The following NOX3 variants were observed in gnomAD, a reference collection of about 807,000 sequenced individuals.
The protein encoded by NOX3 is NADPH oxidase 3.
Under a neutral mutation model 76.7 loss-of-function variants are expected in NOX3, and 74 were observed. The observed-to-expected ratio is 0.96, with a 90% CI of 0.80 to 1.17. NOX3 has a LOEUF of 1.17. Ranked by LOEUF, NOX3 falls within the 50% of genes most tolerant of loss-of-function variation. NOX3 has a pLI of 0.00. For missense variants in NOX3, 695 were observed against 703.3 expected (o/e 0.99, Z 0.13); for synonymous variants, 263 against 261.1 (o/e 1.01, Z -0.07).
At position 155,440,157 on chromosome 6, in the gene NOX3, C is replaced by CA; in HGVS notation, c.487-21dup. On this transcript the variant is annotated intron_variant, in intron 5 of 13. Transcript: ENST00000159060. ...TGTGTTCTAAAAAAAACAACAACAA[C>CA]AAAAAAAGAAACAAACAAAAAAAAA... The CA allele has an allele frequency of 5.4e-6, 8 of 1,482,424 alleles. No individual in the cohort carries two copies. The highest frequency in any genetic ancestry group is 2.4e-5 in the Admixed American group (1 of 41,712). 91.8% of individuals were successfully genotyped at this position (1,482,424 alleles called of 1,614,324 possible).
chr6:155,439,630 A>G (rs1057510959), intron 6 of NOX3, among the ~76,000 whole-genome samples: 1 of 152,156 alleles, frequency 6.6e-6, no homozygotes, highest in African/African-American at 2.4e-5. Context: ...ATCCTGAGTA[A>G]TCTCACATAA....
chr6:155,445,962 T>G (rs35556917), intron 4 of NOX3, among the ~76,000 whole-genome samples: 15,260 of 117,188 alleles, frequency 0.13, 867 homozygotes, highest in Admixed American at 0.2. Flanking sequence ...ATATGCTATA[T>G]ATATATAATA....
intron 5 of NOX3, among the ~76,000 whole-genome samples, chr6:155,440,727 G>T (rs892225464): frequency 6.6e-6 from 1 of 151,174 alleles, no homozygotes; most frequent in African/African-American, 2.4e-5. Context: ...TTGAAATTAG[G>T]GCAGCATGAA....
intron 9 of NOX3, among the ~76,000 whole-genome samples, chr6:155,423,111 A>G (rs1776712265): frequency 6.6e-6 from 1 of 152,166 alleles, no homozygotes; most frequent in Non-Finnish European, 1.5e-5. Flanking sequence ...ATCTCTCGCT[A>G]TAGCTCAGGC....
chr6:155,441,437 A>G (rs1226689544), intron 5 of NOX3, among the ~76,000 whole-genome samples: 2 of 152,220 alleles, frequency 1.3e-5, no homozygotes, highest in Non-Finnish European at 2.9e-5. Context: ...CTAATTTCAC[A>G]TCATTCTTCC....
chr6:155,431,112 T>G (rs1776826922), intron 7 of NOX3, among the ~76,000 whole-genome samples, 177 bp from the exon 8 acceptor site: 1 of 152,246 alleles, frequency 6.6e-6, no homozygotes, highest in Non-Finnish European at 1.5e-5. Context: ...CATTCAATTA[T>G]TTATTGAAGT....
intron 7 of NOX3, among the ~76,000 whole-genome samples, chr6:155,431,800 A>G (rs1236473961): frequency 1.1e-4 from 17 of 152,216 alleles, no homozygotes; most frequent in Non-Finnish European, 7.3e-5. Flanking sequence ...CAGTCAGATC[A>G]ACCAAATTGT....
At chr6:155,400,223 G>A (rs1016451422) in intron 12 of NOX3, among the ~76,000 whole-genome samples, 2 of 152,166 alleles carry the variant, frequency 1.3e-5, no homozygotes, top group Non-Finnish European at 2.9e-5. Context: ...CAGATATATG[G>A]GCGTGTGGGT....
At chr6:155,448,342 G>A (rs1013337534) in intron 4 of NOX3, among the ~76,000 whole-genome samples, 5 of 152,136 alleles carry the variant, frequency 3.3e-5, no homozygotes, top group African/African-American at 7.2e-5. Flanking sequence ...CTTAATTGGG[G>A]CTCTTCAGTC....
intron 10 of NOX3, among the ~76,000 whole-genome samples, chr6:155,413,043 G>T (rs948703559): frequency 6.6e-6 from 1 of 152,160 alleles, no homozygotes; most frequent in Admixed American, 6.5e-5. Context: ...GGCCTCTTGT[G>T]TTCACTTTTA....
rs914839739 is a variant in NOX3 at position 155,443,257 on chromosome 6, G to A, written c.486+16C>T. On this transcript the variant is annotated intron_variant, in intron 5 of 13. Transcript: ENST00000159060. ...GATTTTTCAGGGGAGAAGCTTGTTAGCATGCAGGAACTCACTGTGGGGAAG... is the reference window on the plus strand; with the variant it reads ...GATTTTTCAGGGGAGAAGCTTGTTAACATGCAGGAACTCACTGTGGGGAAG... 6.2e-7 allele frequency: 1 copy of A among 1,605,860 alleles called. No individual in the cohort carries two copies. The highest frequency in any genetic ancestry group is 1.7e-4 in the Middle Eastern group (1 of 6,036).
intron 4 of NOX3, among the ~76,000 whole-genome samples, chr6:155,445,869 CATATATATATATATATGCTATATAT>C (rs1339823180): frequency 7.3e-6 from 1 of 136,410 alleles, no homozygotes; most frequent in Non-Finnish European, 1.5e-5. Flanking sequence ...CTGACATATA[CATATATATATATATATGCTATATAT>C]ATATATTATA....
chr6:155,419,464 G>A (rs1776662804), intron 10 of NOX3, among the ~76,000 whole-genome samples: 1 of 152,150 alleles, frequency 6.6e-6, no homozygotes, highest in African/African-American at 2.4e-5. Flanking sequence ...TGCAAAGCTA[G>A]GAGATTAGGA....
intron 12 of NOX3, among the ~76,000 whole-genome samples, chr6:155,398,523 A>G (rs140554290): frequency 3.9e-4 from 60 of 152,364 alleles, no homozygotes; most frequent in African/African-American, 1.3e-3. Flanking sequence ...CCTGCATTTC[A>G]AACTCCAGCT....
At chr6:155,426,587 G>A (rs1776757363) in intron 9 of NOX3, among the ~76,000 whole-genome samples, 1 of 152,126 alleles carries the variant, frequency 6.6e-6, no homozygotes, top group Admixed American at 6.5e-5. Context: ...AGAGATGTGG[G>A]GAACAGCATT....
At chr6:155,414,845 C>T (rs556971226) in intron 10 of NOX3, among the ~76,000 whole-genome samples, 1 of 152,148 alleles carries the variant, frequency 6.6e-6, no homozygotes, top group South Asian at 2.1e-4. Flanking sequence ...CCATGCTGGT[C>T]TCGAACTCCT....
At chr6:155,426,638 ACATTCT>A (rs1776758066) in intron 9 of NOX3, among the ~76,000 whole-genome samples, 1 of 152,144 alleles carries the variant, frequency 6.6e-6, no homozygotes, top group Non-Finnish European at 1.5e-5. Flanking sequence ...ACTGAGGACT[ACATTCT>A]CAGTGTGTGT....
Position 155,437,149 on chromosome 6 carries a change from G to A in NOX3, c.669-602C>T, listed in dbSNP as rs118145487. 2.0e-3 allele frequency among the ~76,000 whole-genome samples: 301 copies of A among 152,278 alleles called. 4 individuals carry two copies. The highest frequency in any genetic ancestry group is 4.8e-3 in the African/African-American group (200 of 41,556). On this transcript the variant is annotated intron_variant, in intron 6 of 13. Coordinates refer to ENST00000159060, the MANE Select transcript of NOX3 (RefSeq NM_015718.3). ...GAAAGAGAAGGCAGTCCTAATGACC[G>A]GAGCACTGGACGAAGAGTCCTATAA...
At chr6:155,404,125 ATATTTT>A (rs1171574506) in intron 12 of NOX3, among the ~76,000 whole-genome samples, 23 of 136,558 alleles carry the variant, frequency 1.7e-4, no homozygotes, top group African/African-American at 1.5e-4. Context: ...ATATATATAT[ATATTTT>A]TTTTTTCCCA....
Sources: gnomAD v4.1 joint callset for allele counts (sites outside exome capture counted in the v4.1 genomes callset) on GRCh38, gnomAD v4.1.1 for gene constraint, MANE v1.5 for transcripts, NCBI Gene and HGNC (gene_info 2026-07-23, HGNC 2026-07-21) for gene names.